The following SETD9 variants were observed in gnomAD, a reference collection of about 807,000 sequenced individuals.
SETD9 encodes the protein SET domain-containing protein 9.
Under a neutral mutation model 36.4 loss-of-function variants are expected in SETD9, and 37 were observed. The ratio of observed to expected loss-of-function variants is 1.02; its 90% CI spans 0.78 to 1.34. The LOEUF is 1.34. SETD9 is among the 40% of genes most tolerant of loss of function. The pLI is 0.00. For missense variants in SETD9, 323 were observed against 353.2 expected (o/e 0.91, Z 0.69); for synonymous variants, 128 against 132.9 (o/e 0.96, Z 0.26).
At chr5:56,922,380 T>C (rs1326464253) in intron 5 of SETD9, 1 of 152,516 alleles carries the variant, frequency 6.6e-6, no homozygotes, top group Non-Finnish European at 1.5e-5. Context: ...CACAGAAATC[T>C]CCTGGCAGTA....
At chr5:56,926,682 C>G (rs941450041), downstream of SETD9, among the ~76,000 whole-genome samples, 1 of 152,112 alleles carries the variant, frequency 6.6e-6, no homozygotes, top group African/African-American at 2.4e-5. Context: ...AAAATAAACA[C>G]ATTTTCACCA....
downstream of SETD9, chr5:56,921,272 T>C (rs1217649616): frequency 2.0e-5 from 3 of 152,466 alleles, no homozygotes; most frequent in South Asian, 2.1e-4. Context: ...TTATAGAAAG[T>C]GTACTGATTT....
At chr5:56,915,830 G>A (rs567141687) in intron 5 of SETD9, among the ~76,000 whole-genome samples, 1 of 152,126 alleles carries the variant, frequency 6.6e-6, no homozygotes, top group South Asian at 2.1e-4. Flanking sequence ...TGGGTGTGGT[G>A]GTGTGTACCT....
intron 5 of SETD9, among the ~76,000 whole-genome samples, chr5:56,915,587 G>T (rs1339322702): frequency 1.3e-5 from 2 of 152,120 alleles, no homozygotes; most frequent in Admixed American, 6.6e-5. Context: ...TTGTTGAGTT[G>T]CTAGCAAACT....
chr5:56,912,930 A>T, intron 2 of SETD9, 81 bp from the exon 3 acceptor site: 1 of 1,413,796 alleles, frequency 7.1e-7, no homozygotes, highest in Non-Finnish European at 9.8e-7. Flanking sequence ...GAATGTGATT[A>T]TATTCCAAAG....
chr5:56,914,001 T>G lies in SETD9; in HGVS notation c.706+12T>G. ...CAATTGTTCCAATGGTAAGAAGGCA[T>G]CATGGGGCTGTGAGATGAGATATAT... On this transcript the variant is annotated intron_variant, in intron 4 of 5. Coordinates refer to ENST00000285947, the MANE Select transcript of SETD9 (RefSeq NM_153706.4). 1.3e-6 allele frequency: 2 copies of G among 1,574,088 alleles called. No individual in the cohort carries two copies. Among genetic ancestry groups the G allele is most frequent in the Middle Eastern group, 3.3e-4 (2 of 5,990 alleles).
intron 2 of SETD9, chr5:56,912,320 T>TA: frequency 1.4e-6 from 1 of 735,582 alleles, no homozygotes; most frequent in Non-Finnish European, 1.7e-6. Context: ...CGTTATGTGT[T>TA]AAACTAACAT....
chr5:56,927,607 G>C (rs115068757), downstream of SETD9, among the ~76,000 whole-genome samples: 531 of 152,230 alleles, frequency 3.5e-3, 4 homozygotes, highest in African/African-American at 0.011. Flanking sequence ...GTTCACAGCA[G>C]AACTGAGCAG....
chr5:56,916,804 T>C lies in SETD9; in HGVS notation c.813-11T>C. 1.3e-6 allele frequency: 2 copies of C among 1,599,810 alleles called. No homozygotes were observed. The highest frequency in any genetic ancestry group is 2.3e-5 in the South Asian group (2 of 86,208). ...TAATGCTCTACCTTTTGTATATCTT[T>C]TTGTTTTCAGCCCACTTCGATGTGT... On this transcript the variant is annotated splice_polypyrimidine_tract_variant and intron_variant, in intron 5 of 5. Transcript: ENST00000285947.
intron 5 of SETD9, chr5:56,923,103 C>T (rs541475962): frequency 1.4e-5 from 23 of 1,597,584 alleles, no homozygotes; most frequent in South Asian, 1.3e-4. Context: ...GTGCTGCACA[C>T]GCAGTTCCGG....
intron 3 of SETD9, 81 bp from the exon 4 acceptor site, chr5:56,913,793 C>A: frequency 1.1e-5 from 7 of 642,404 alleles, no homozygotes; most frequent in Admixed American, 3.1e-5. Flanking sequence ...AAAAAATGCA[C>A]TGGTGTAATT....
chr5:56,910,097 C>T (rs1020690416), intron 1 of SETD9: 4 of 1,249,278 alleles, frequency 3.2e-6, no homozygotes, highest in African/African-American at 1.6e-5. Context: ...GTCGCCTGTT[C>T]TTCCCTGTTG....
downstream of SETD9, chr5:56,925,537 A>C (rs1749928082): frequency 4.3e-6 from 1 of 231,774 alleles, no homozygotes; most frequent in South Asian, 4.9e-5. Context: ...ATACTTGGGT[A>C]TAAATATAAC....
chr5:56,909,849 A>C, intron 1 of SETD9, 106 bp downstream of exon 1: 1 of 581,050 alleles, frequency 1.7e-6, no homozygotes, highest in South Asian at 2.5e-5. Context: ...TGCCGGCCTG[A>C]GATGGGCGGG....
Position 56,917,347 on chromosome 5 carries a change from A to G in SETD9, c.*445A>G. On this transcript the variant is annotated 3_prime_UTR_variant, in exon 6 of 6. Transcript: ENST00000285947. ...AATACCTATTGTGTTGCCATGAGTAAATTGGTGTGTCTATGTATAATGTAA... is the reference window on the plus strand; with the variant it reads ...AATACCTATTGTGTTGCCATGAGTAGATTGGTGTGTCTATGTATAATGTAA... 1.0e-6 allele frequency: 1 copy of G among 981,084 alleles called. No homozygotes were observed. Among genetic ancestry groups the G allele is most frequent in the Non-Finnish European group, 1.2e-6 (1 of 825,636 alleles). The allele number at this position is 981,084 out of a possible 1,614,324, so 60.8% of individuals were successfully genotyped here. A position where few individuals can be genotyped will look rare whatever the true frequency, so the allele number is the denominator to read the frequency against.
In SETD9 at chr5:56,911,477, A is replaced by G. The variant is rs1302939012; in HGVS notation, c.407A>G (p.Lys136Arg). 1 of 1,606,456 alleles carries G rather than the reference A, an allele frequency of 6.2e-7. No individual in the cohort carries two copies. Among genetic ancestry groups the G allele is most frequent in the Non-Finnish European group, 8.5e-7 (1 of 1,177,578 alleles). Residue 136 changes from lysine (K) to arginine (R), a missense_variant, in exon 2 of 6, where the codon AAA (lysine) becomes AGA (arginine). Transcript: ENST00000285947. ...ACTAGCTCATTGATTTCTGCTGGAA[A>G]AGGTGTCTTCGTTACTAAAGGATTG... ...QATSSLISAGKGVFVTKGLVP... is the reference protein window; with the variant it reads ...QATSSLISAGRGVFVTKGLVP...
rs1749467182 is a variant in SETD9, at chr5:56,917,028, TTA to T, written c.*128_*129del. ...GAGACTTAATTGGAATAGGAATTTC[TTA>T]TGTTTTTGTTGATATTATATTTATG... is the stretch of plus-strand genomic sequence containing the variant. On this transcript the variant is annotated 3_prime_UTR_variant, in exon 6 of 6. Transcript: ENST00000285947. 3.7e-6 allele frequency: 5 copies of T among 1,353,014 alleles called. No homozygotes were observed. Among genetic ancestry groups the T allele is most frequent in the Middle Eastern group, 2.5e-4 (1 of 3,986 alleles). 83.8% of individuals were successfully genotyped at this position (1,353,014 alleles called of 1,614,324 possible).
At chr5:56,928,697 G>A (rs2112091165), downstream of SETD9, 4 of 1,090,328 alleles carry the variant, frequency 3.7e-6, no homozygotes, top group Non-Finnish European at 5.4e-6. Flanking sequence ...TCCTACTTAA[G>A]TGACTTATAA....
downstream of SETD9, among the ~76,000 whole-genome samples, chr5:56,926,413 A>T (rs187680175): frequency 3.8e-3 from 580 of 152,228 alleles, 3 homozygotes; most frequent in Admixed American, 7.6e-3. Context: ...AAACCACCCA[A>T]TTAAAATCTG....
Sources: gnomAD v4.1 joint callset for allele counts (sites outside exome capture counted in the v4.1 genomes callset) on GRCh38, gnomAD v4.1.1 for gene constraint, MANE v1.5 for transcripts, NCBI Gene and HGNC (gene_info 2026-07-23, HGNC 2026-07-21) for gene names.